The following STX3 variants were observed in gnomAD, a reference collection of about 807,000 sequenced individuals.
The protein encoded by STX3 is syntaxin 3.
Under a neutral mutation model 40.2 loss-of-function variants are expected in STX3, and 19 were observed. The observed-to-expected ratio is 0.47, with a 90% confidence interval of 0.33 to 0.69. The LOEUF (loss-of-function observed/expected upper bound fraction) is 0.69, where lower values mean the gene tolerates loss of function less well. Among genes scored for constraint, STX3 ranks in the 30% least tolerant of loss-of-function variants. The probability of loss-of-function intolerance (pLI) is 0.02; values close to 1 mark genes in which losing one functional copy is unlikely to be tolerated. For synonymous variants in STX3, 122 were observed against 132.2 expected (o/e 0.92, Z 0.53); for missense variants, 364 against 366.7 (o/e 0.99, Z 0.06).
chr11:59,759,641 C>T (rs914398607), intron 1 of STX3, among the ~76,000 whole-genome samples: 1 of 152,122 alleles, frequency 6.6e-6, no homozygotes, highest in East Asian at 1.9e-4. Flanking sequence ...ATGTAATGGC[C>T]CTTCAAAGAC....
Position 59,802,919 on chromosome 11 carries a change from T to A in STX3, c.*2095T>A. 1 of 985,394 alleles carries A rather than the reference T, an allele frequency of 1.0e-6. No homozygotes were observed. The highest frequency in any genetic ancestry group is 5.2e-4 in the Middle Eastern group (1 of 1,914). The allele number at this position is 985,394 out of a possible 1,614,324, so 61.0% of individuals were successfully genotyped here. A position where few individuals can be genotyped will look rare whatever the true frequency, so the allele number is the denominator to read the frequency against. On this transcript the variant is annotated 3_prime_UTR_variant, in exon 11 of 11. Coordinates refer to ENST00000337979, the MANE Select transcript of STX3 (RefSeq NM_004177.5). ...ATTTGAGGTGTTCCCCCCAAAAGAA[T>A]TTGGTTCAGTCCTTGGGAGTATCTG...
chr11:59,773,653 G>A (rs1047988213), intron 2 of STX3, among the ~76,000 whole-genome samples: 1 of 152,008 alleles, frequency 6.6e-6, no homozygotes, highest in Non-Finnish European at 1.5e-5. Flanking sequence ...GCATCTTTAG[G>A]CTTGTGATTC....
upstream of STX3, chr11:59,755,215 C>T (rs541682271): frequency 7.2e-5 from 12 of 167,254 alleles, 1 homozygote; most frequent in South Asian, 2.2e-3. Flanking sequence ...GGACTCCACG[C>T]GTGTCTGGAG....
At chr11:59,800,538 T>C (rs1865829261) in intron 10 of STX3, 1 of 985,358 alleles carries the variant, frequency 1.0e-6, no homozygotes, top group Non-Finnish European at 1.2e-6. Flanking sequence ...TCAGGAGCGG[T>C]GTTGCTGTGG....
At chr11:59,766,497 G>A (rs984974380) in intron 1 of STX3, among the ~76,000 whole-genome samples, 2 of 152,178 alleles carry the variant, frequency 1.3e-5, no homozygotes, top group Non-Finnish European at 1.5e-5. Flanking sequence ...GGACAGCTAC[G>A]TCCCCCCATT....
chr11:59,786,882 G>T (rs1223971540), intron 2 of STX3, among the ~76,000 whole-genome samples, 155 bp from the exon 3 acceptor site: 1 of 152,122 alleles, frequency 6.6e-6, no homozygotes, highest in Non-Finnish European at 1.5e-5. Context: ...CATGGAAAGG[G>T]TACTCACTGG....
Position 59,802,000 on chromosome 11 carries a change from G to A in STX3, c.*1176G>A, listed in dbSNP as rs1379260518. On this transcript the variant is annotated 3_prime_UTR_variant, in exon 11 of 11. Coordinates refer to ENST00000337979, the MANE Select transcript of STX3 (RefSeq NM_004177.5). The stretch of plus-strand genomic sequence containing the variant: ...AGTGAGCTAAATTGATCCCAATTAA[G>A]TTTTTCTGCTTAGCAGACAGAAGGT... 1.1e-5 allele frequency: 11 copies of A among 985,326 alleles called. No homozygotes were observed. The highest frequency in any genetic ancestry group is 1.3e-5 in the Non-Finnish European group (11 of 829,940). The allele number at this position is 985,326 out of a possible 1,614,324, so 61.0% of individuals were successfully genotyped here.
intron 2 of STX3, among the ~76,000 whole-genome samples, chr11:59,785,000 C>G (rs1864659338): frequency 6.6e-6 from 1 of 152,134 alleles, no homozygotes; most frequent in African/African-American, 2.4e-5. Context: ...TGCATGCTGT[C>G]CCTACCACTA....
intron 2 of STX3, among the ~76,000 whole-genome samples, chr11:59,783,309 G>A (rs1590798902): frequency 3.3e-5 from 5 of 152,168 alleles, no homozygotes; most frequent in South Asian, 4.1e-4. Flanking sequence ...TTCCTTAGGC[G>A]TTTACCTGGT....
chr11:59,772,798 A>G (rs1041574143), intron 1 of STX3, among the ~76,000 whole-genome samples: 2 of 152,208 alleles, frequency 1.3e-5, no homozygotes, highest in Non-Finnish European at 2.9e-5. Flanking sequence ...TGTTGAACTT[A>G]CAGTGTACCA....
Position 59,801,771 on chromosome 11 carries a change from A to AGT in STX3, c.*956_*957dup. The AGT allele has an allele frequency of 1.0e-6, 1 of 985,728 alleles. No individual in the cohort carries two copies. Among genetic ancestry groups the AGT allele is most frequent in the Non-Finnish European group, 1.2e-6 (1 of 829,854 alleles). The allele number at this position is 985,728 out of a possible 1,614,324, so 61.1% of individuals were successfully genotyped here. A position where few individuals can be genotyped will look rare whatever the true frequency, so the allele number is the denominator to read the frequency against. On this transcript the variant is annotated 3_prime_UTR_variant, in exon 11 of 11. Coordinates refer to ENST00000337979, the MANE Select transcript of STX3 (RefSeq NM_004177.5). ...TGTGTATGAAATGTATGTACACATA[A>AGT]GTGTGTGTGTCTCAGGAAGTAGGAA...
At chr11:59,792,011 C>G (rs1284965600) in intron 5 of STX3, 96 bp from the exon 6 acceptor site, 1 of 987,276 alleles carries the variant, frequency 1.0e-6, no homozygotes, top group Non-Finnish European at 1.6e-6. Flanking sequence ...GATTCCAAGT[C>G]CAGTGCTATT....
chr11:59,788,740 T>G, intron 3 of STX3, 133 bp from the exon 4 acceptor site: 2 of 609,986 alleles, frequency 3.3e-6, no homozygotes, highest in African/African-American at 1.9e-5. Context: ...TGCTGGGGAG[T>G]GCGTAGGGAT....
chr11:59,778,695 C>T (rs966556349), intron 2 of STX3, among the ~76,000 whole-genome samples: 5 of 152,126 alleles, frequency 3.3e-5, no homozygotes, highest in Admixed American at 1.3e-4. Flanking sequence ...TTAAAATGCA[C>T]GTTAACTTAT....
At chr11:59,772,443 G>A (rs543145419) in intron 1 of STX3, among the ~76,000 whole-genome samples, 1 of 152,318 alleles carries the variant, frequency 6.6e-6, no homozygotes, top group South Asian at 2.1e-4. Flanking sequence ...GGGGCCGGGG[G>A]AGAGCTTCCT....
chr11:59,787,232 T>C (rs1463947361), intron 3 of STX3, 96 bp downstream of exon 3: 2 of 1,059,262 alleles, frequency 1.9e-6, no homozygotes, highest in Non-Finnish European at 2.9e-6. Context: ...AGTAGGGAAG[T>C]GTACAAGTTA....
chr11:59,798,663 G>A (rs1865680428), intron 10 of STX3, among the ~76,000 whole-genome samples: 1 of 151,870 alleles, frequency 6.6e-6, no homozygotes. Context: ...GGGATTATAG[G>A]TGCCTGCCAC....
intron 1 of STX3, among the ~76,000 whole-genome samples, chr11:59,761,257 C>T (rs1863019146): frequency 6.6e-6 from 1 of 152,194 alleles, no homozygotes; most frequent in Non-Finnish European, 1.5e-5. Flanking sequence ...TTAGGTACTC[C>T]ATTTTTCTCC....
chr11:59,767,064 T>TGA (rs1209897810), intron 1 of STX3, among the ~76,000 whole-genome samples: 1 of 152,168 alleles, frequency 6.6e-6, no homozygotes, highest in East Asian at 1.9e-4. Context: ...CACTGAGCCT[T>TGA]GAGAGAGAGG....
Sources: gnomAD v4.1 joint callset for allele counts (sites outside exome capture counted in the v4.1 genomes callset) on GRCh38, gnomAD v4.1.1 for gene constraint, MANE v1.5 for transcripts, NCBI Gene and HGNC (gene_info 2026-07-23, HGNC 2026-07-21) for gene names.